The following CHN1 variants were observed in gnomAD, a reference collection of about 807,000 sequenced individuals.
CHN1 encodes N-chimaerin.
CHN1 carries 37 observed loss-of-function variants against 59.5 expected under a neutral mutation model. The observed-to-expected ratio is 0.62, with a 90% CI of 0.48 to 0.82. The LOEUF is 0.82. Ranked by LOEUF, CHN1 falls within the 40% of genes least tolerant of loss-of-function variation. The pLI, the probability that CHN1 is intolerant of heterozygous loss-of-function variation, is 0.00. For synonymous variants in CHN1, 206 were observed against 200.4 expected (o/e 1.03, Z -0.24); for missense variants, 469 against 571.0 (o/e 0.82, Z 1.82).
intron 7 of CHN1, among the ~76,000 whole-genome samples, chr2:174,841,033 G>A (rs1686282790): frequency 6.6e-6 from 1 of 152,108 alleles, no homozygotes; most frequent in South Asian, 2.1e-4. Context: ...AGAATAAAGG[G>A]CCATGGTCTG....
At chr2:174,921,807 A>G (rs1689026765) in intron 3 of CHN1, among the ~76,000 whole-genome samples, 1 of 152,182 alleles carries the variant, frequency 6.6e-6, no homozygotes, top group African/African-American at 2.4e-5. Flanking sequence ...CACTATCACG[A>G]GAACTCCATG....
intron 4 of CHN1, among the ~76,000 whole-genome samples, chr2:174,916,918 G>A (rs150320205): frequency 6.6e-5 from 10 of 152,304 alleles, no homozygotes; most frequent in African/African-American, 2.2e-4. Flanking sequence ...CTGGCTGGGC[G>A]CAGTAGCTCA....
At chr2:174,855,254 A>G (rs1369151561) in intron 6 of CHN1, among the ~76,000 whole-genome samples, 3 of 152,178 alleles carry the variant, frequency 2.0e-5, no homozygotes, top group Admixed American at 1.3e-4. Context: ...CATTAGCACA[A>G]TGCTCCAGTT....
chr2:174,847,429 C>A, intron 6 of CHN1: 1 of 1,202,672 alleles, frequency 8.3e-7, no homozygotes, highest in South Asian at 2.8e-5. Context: ...ACAAAACACT[C>A]AGCATCTCTC....
chr2:174,864,168 A>G (rs1687146999), intron 6 of CHN1, among the ~76,000 whole-genome samples: 1 of 152,150 alleles, frequency 6.6e-6, no homozygotes, highest in Non-Finnish European at 1.5e-5. Context: ...AAATAATAAT[A>G]AACTCTCTAC....
At chr2:174,963,784 A>C (rs569694962) in intron 1 of CHN1, among the ~76,000 whole-genome samples, 1 of 152,194 alleles carries the variant, frequency 6.6e-6, no homozygotes, top group Admixed American at 6.5e-5. Flanking sequence ...GCAACAGGAA[A>C]GCCAAAGACA....
In CHN1 at chr2:174,818,839, T is replaced by C. The variant is rs1051593649; in HGVS notation, c.712+5595A>G. 3.3e-5 allele frequency among the ~76,000 whole-genome samples: 5 copies of C among 152,228 alleles called. No homozygotes were observed. In the East Asian group the frequency reaches 9.6e-4, roughly 29 times the overall value. On this transcript the variant is annotated intron_variant, in intron 8 of 12. Coordinates refer to ENST00000409900, the MANE Select transcript of CHN1 (RefSeq NM_001822.7). ...CTTGATTTTGCTAAAACACAGGTTTTATATCTAGAAAGCACAGAAATCAAT... is the reference window on the plus strand; with the variant it reads ...CTTGATTTTGCTAAAACACAGGTTTCATATCTAGAAAGCACAGAAATCAAT...
chr2:174,847,017 C>T, intron 6 of CHN1, 60 bp from the exon 7 acceptor site: 27 of 1,551,544 alleles, frequency 1.7e-5, no homozygotes, highest in Non-Finnish European at 2.3e-5. Flanking sequence ...TTTGGAGAAC[C>T]CAGTTTCATT....
At position 174,908,042 on chromosome 2, in the gene CHN1, T is replaced by C. The variant is rs570351129; in HGVS notation, c.260+7016A>G. ...AGGAAAGTGCCAAGTATTGTAGGTATAAGGCATTCTCTGGAATATGTCCAA... is the reference window on the plus strand; with the variant it reads ...AGGAAAGTGCCAAGTATTGTAGGTACAAGGCATTCTCTGGAATATGTCCAA... On this transcript the variant is annotated intron_variant, in intron 5 of 12. Coordinates refer to ENST00000409900, the MANE Select transcript of CHN1 (RefSeq NM_001822.7). Among the ~76,000 whole-genome samples, 58 of 152,344 alleles carry C rather than the reference T, an allele frequency of 3.8e-4. No individual in the cohort carries two copies. In the South Asian group the frequency reaches 0.011, roughly 30 times the overall value.
intron 6 of CHN1, among the ~76,000 whole-genome samples, chr2:174,876,382 G>A (rs139710661): frequency 6.6e-6 from 1 of 152,168 alleles, no homozygotes; most frequent in African/African-American, 2.4e-5. Flanking sequence ...TAGCAAATCT[G>A]CAAAGAATAT....
intron 11 of CHN1, 99 bp from the exon 12 acceptor site, chr2:174,801,911 G>GT (rs1684735278): frequency 4.4e-6 from 4 of 905,418 alleles, no homozygotes; most frequent in South Asian, 2.7e-5. Flanking sequence ...TCTGAAACTG[G>GT]TAAGAAATGC....
At chr2:174,871,297 G>T (rs1687400427) in intron 6 of CHN1, among the ~76,000 whole-genome samples, 2 of 150,386 alleles carry the variant, frequency 1.3e-5, no homozygotes, top group Admixed American at 1.4e-4. Context: ...ATAGAATGAA[G>T]AATGACCCTC....
intron 8 of CHN1, among the ~76,000 whole-genome samples, chr2:174,813,254 T>C (rs1051277883): frequency 2.0e-5 from 3 of 152,230 alleles, no homozygotes; most frequent in African/African-American, 7.2e-5. Flanking sequence ...TGGATGATTC[T>C]AGAGTCCACA....
At chr2:174,815,701 G>A (rs1420207501) in intron 8 of CHN1, among the ~76,000 whole-genome samples, 1 of 150,688 alleles carries the variant, frequency 6.6e-6, no homozygotes, top group Non-Finnish European at 1.5e-5. Flanking sequence ...TCATCTTGAC[G>A]TTGCTGTTGG....
intron 1 of CHN1, among the ~76,000 whole-genome samples, chr2:174,994,111 A>G (rs1691631525): frequency 6.6e-6 from 1 of 152,244 alleles, no homozygotes. Flanking sequence ...CACTGAAATG[A>G]AAATGAACAA....
chr2:174,864,782 T>C (rs1687167160), intron 6 of CHN1, among the ~76,000 whole-genome samples: 1 of 152,132 alleles, frequency 6.6e-6, no homozygotes, highest in African/African-American at 2.4e-5. Context: ...AGGATTGCTT[T>C]AGTCCAGGAG....
intron 7 of CHN1, among the ~76,000 whole-genome samples, chr2:174,835,268 C>T (rs1686034911): frequency 1.3e-5 from 2 of 152,200 alleles, no homozygotes; most frequent in African/African-American, 4.8e-5. Context: ...ACAGTGAAAA[C>T]TGTTCTTTCC....
rs563110743 is a variant in CHN1 at position 174,925,644 on chromosome 2, C to T, written c.115-7079G>A. Among the ~76,000 whole-genome samples the T allele has an allele frequency of 1.4e-4, 21 of 152,340 alleles. No individual in the cohort carries two copies. The Middle Eastern group carries it at 0.01, about 74-fold the overall frequency. On this transcript the variant is annotated intron_variant, in intron 3 of 12. Transcript: ENST00000409900. ...AACAAGAACCTTGGTCTCCACAACT[C>T]CCTCTACCTTAACTCAAGCATTTCT...
At chr2:174,831,553 C>T (rs1462031304) in intron 7 of CHN1, among the ~76,000 whole-genome samples, 1 of 152,088 alleles carries the variant, frequency 6.6e-6, no homozygotes, top group African/African-American at 2.4e-5. Flanking sequence ...CTACAAGGTA[C>T]AGATTGTATA....
Sources: gnomAD v4.1 joint callset for allele counts (sites outside exome capture counted in the v4.1 genomes callset) on GRCh38, gnomAD v4.1.1 for gene constraint, MANE v1.5 for transcripts, NCBI Gene and HGNC (gene_info 2026-07-23, HGNC 2026-07-21) for gene names.